Variants in SNED1 observed in about 807,000 individuals in gnomAD.
SNED1 encodes the protein sushi, nidogen and EGF-like domain-containing protein 1.
Under a neutral mutation model 166.7 loss-of-function variants are expected in SNED1, and 81 were observed. The observed-to-expected ratio is 0.49, with a 90% CI of 0.41 to 0.58. The LOEUF is 0.58. Among genes scored for constraint, SNED1 ranks in the 20% least tolerant of loss-of-function variants. The probability of loss-of-function intolerance (pLI) is 0.00; values close to 1 mark genes in which losing one functional copy is unlikely to be tolerated. For synonymous variants in SNED1, 762 were observed against 822.0 expected (o/e 0.93, Z 1.25); for missense variants, 1,604 against 2,000.2 (o/e 0.80, Z 3.78).
chr2:241,012,989 C>G (rs1291668992), intron 1 of SNED1, among the ~76,000 whole-genome samples: 1 of 152,060 alleles, frequency 6.6e-6, no homozygotes, highest in Non-Finnish European at 1.5e-5. Context: ...GTGCCCGCCA[C>G]CACGCCCGCT....
At chr2:241,020,722 T>C (rs2060746458) in intron 1 of SNED1, among the ~76,000 whole-genome samples, 2 of 152,144 alleles carry the variant, frequency 1.3e-5, no homozygotes, top group Non-Finnish European at 2.9e-5. Flanking sequence ...CCACCCCACC[T>C]TAAAGGGGGT....
intron 27 of SNED1, chr2:241,074,315 C>CTGGACTTG: frequency 1.3e-5 from 2 of 152,026 alleles, no homozygotes; most frequent in Middle Eastern, 3.4e-3. Context: ...CATACAAGGT[C>CTGGACTTG]TGGACTTGCT....
In SNED1 at chr2:241,094,710, C is replaced by G; in HGVS notation, c.*3074C>G. 1 of 274,778 alleles carries G rather than the reference C, an allele frequency of 3.6e-6. No individual in the cohort carries two copies. Among genetic ancestry groups the G allele is most frequent in the Non-Finnish European group, 7.2e-6 (1 of 139,196 alleles). 17.0% of individuals were successfully genotyped at this position (274,778 alleles called of 1,614,324 possible). A position where few individuals can be genotyped will look rare whatever the true frequency, so the allele number is the denominator to read the frequency against. On this transcript the variant is annotated 3_prime_UTR_variant, in exon 32 of 32. Transcript: ENST00000310397. The surrounding 1 kb of genome is among the most constrained non-coding windows in gnomAD (Gnocchi z 4.3). ...GCCGGATCATCCTCTCTTGTGGGACCATCCTGTGCACTGCAGGATGTTTCA... is the reference window on the plus strand; with the variant it reads ...GCCGGATCATCCTCTCTTGTGGGACGATCCTGTGCACTGCAGGATGTTTCA...
At position 241,091,180 on chromosome 2, in the gene SNED1, CA is replaced by C. The variant is rs1024081131; in HGVS notation, c.*2-452del. The stretch of plus-strand genomic sequence containing the variant: ...TTCTTGAAATAATGGAGACAACACA[CA>C]AAAAAGCAGGAAACAGAAACACACG... On this transcript the variant is annotated intron_variant, in intron 31 of 31. Coordinates refer to ENST00000310397, the MANE Select transcript of SNED1 (RefSeq NM_001080437.3). This position sits in a 1 kb window ranked among gnomAD's most constrained non-coding sequence, Gnocchi z 4.1. Among the ~76,000 whole-genome samples, 11 of 152,116 alleles carry C rather than the reference CA, an allele frequency of 7.2e-5. No individual in the cohort carries two copies. The highest frequency in any genetic ancestry group is 3.3e-4 in the Admixed American group (5 of 15,278).
At chr2:241,036,156 A>G (rs1422791923) in intron 4 of SNED1, among the ~76,000 whole-genome samples, 1 of 149,118 alleles carries the variant, frequency 6.7e-6, no homozygotes, top group East Asian at 2.0e-4. Flanking sequence ...GCTCATGGGA[A>G]GAGGAAAGAT....
intron 31 of SNED1, chr2:241,089,019 T>G (rs2063738429): frequency 2.9e-6 from 1 of 339,764 alleles, no homozygotes; most frequent in African/African-American, 2.1e-5. Context: ...CGCCTTTGTT[T>G]AAGCCAGCAT....
At chr2:241,060,285 C>T (rs763158342) in intron 16 of SNED1, among the ~76,000 whole-genome samples, 9 of 151,768 alleles carry the variant, frequency 5.9e-5, no homozygotes, top group Non-Finnish European at 1.3e-4. Context: ...CTGGTTCAAG[C>T]GATTCTCCTG....
chr2:241,041,105 C>T (rs749987382), intron 8 of SNED1: 4 of 335,162 alleles, frequency 1.2e-5, no homozygotes, highest in African/African-American at 4.5e-5. Context: ...CTGTTTTACC[C>T]GTAAGACACA....
intron 16 of SNED1, among the ~76,000 whole-genome samples, chr2:241,062,575 A>G (rs1194268253): frequency 1.3e-5 from 2 of 152,154 alleles, no homozygotes; most frequent in Non-Finnish European, 2.9e-5. Context: ...GGTGGTTTCA[A>G]GCCCGCCCTG....
intron 17 of SNED1, 37 bp downstream of exon 17, chr2:241,062,941 C>A: frequency 7.4e-7 from 1 of 1,351,846 alleles, no homozygotes; most frequent in Non-Finnish European, 1.0e-6. Flanking sequence ...GTGACAGCTG[C>A]AGCACACTGG....
upstream of SNED1, among the ~76,000 whole-genome samples, chr2:240,998,564 C>T (rs1255524389): frequency 6.6e-6 from 1 of 152,158 alleles, no homozygotes; most frequent in Admixed American, 6.5e-5. Flanking sequence ...TGGCCCCGCC[C>T]CCCCGAGTGA....
At chr2:241,037,479 G>A (rs1315456804) in intron 6 of SNED1, 126 bp downstream of exon 6, 3 of 673,186 alleles carry the variant, frequency 4.5e-6, no homozygotes, top group East Asian at 5.4e-5. Flanking sequence ...ACAGCCCAGA[G>A]AAGCCACCCT....
At chr2:241,053,098 G>T in intron 15 of SNED1, 55 bp from the exon 16 acceptor site, 1 of 1,538,884 alleles carries the variant, frequency 6.5e-7, no homozygotes, top group Non-Finnish European at 8.8e-7. Context: ...GCAGGGCGGT[G>T]GGGAGGGGCC....
At position 241,071,217 on chromosome 2, in the gene SNED1, C is replaced by T. The variant is rs372455643; in HGVS notation, c.3590-359C>T. ...CCATCAGGAGGCCACTGGGGAGAAG[C>T]ACTGTGTCTCCAGGGCAGCCTGGGA... is the stretch of plus-strand genomic sequence containing the variant. On this transcript the variant is annotated intron_variant, in intron 24 of 31. Transcript: ENST00000310397. Among the ~76,000 whole-genome samples, 37 of 152,302 alleles carry T rather than the reference C, an allele frequency of 2.4e-4. 1 individual carries two copies. In the East Asian group the frequency reaches 4.1e-3, roughly 17 times the overall value.
intron 8 of SNED1, chr2:241,040,787 A>C: frequency 2.1e-6 from 1 of 475,642 alleles, no homozygotes; most frequent in South Asian, 1.6e-5. Context: ...TTCCTCTCCT[A>C]CTCTAGAACC....
In SNED1 at chr2:241,034,005, A is replaced by G. The variant is rs1014219321; in HGVS notation, c.642+130A>G. 1.1e-5 allele frequency: 13 copies of G among 1,142,758 alleles called. No individual in the cohort carries two copies. In the South Asian group the frequency reaches 2.2e-4, roughly 19 times the overall value. The allele number at this position is 1,142,758 out of a possible 1,614,324, so 70.8% of individuals were successfully genotyped here. The stretch of plus-strand genomic sequence containing the variant: ...CCAGTACCGTGCAGAGGCCAACGAG[A>G]GACATCCACAACCATCCCTGAGGCC... On this transcript the variant is annotated intron_variant, in intron 3 of 31. Transcript: ENST00000310397.
At chr2:241,061,803 A>G (rs895110314) in intron 16 of SNED1, among the ~76,000 whole-genome samples, 12 of 151,710 alleles carry the variant, frequency 7.9e-5, no homozygotes, top group Admixed American at 6.6e-4. Context: ...TGGTGAGCCA[A>G]GATCATGCCA....
At chr2:241,082,231 G>A in intron 28 of SNED1, 46 bp from the exon 29 acceptor site, 3 of 1,483,948 alleles carry the variant, frequency 2.0e-6, no homozygotes, top group East Asian at 2.3e-5. Context: ...GGGGCAGGAG[G>A]AGCCGTCAGG....
chr2:241,068,006 A>C lies in SNED1; in HGVS notation c.3194+59A>C. ...TGAAGGCAGGGGTGGGGGCTCGGGG[A>C]CACGGGGCCCAGGTCTCGGGCACAT... On this transcript the variant is annotated intron_variant, in intron 22 of 31. Coordinates refer to ENST00000310397, the MANE Select transcript of SNED1 (RefSeq NM_001080437.3). The surrounding 1 kb of genome is among the most constrained non-coding windows in gnomAD (Gnocchi z 5.3). The C allele has an allele frequency of 6.8e-7, 1 of 1,474,140 alleles. No individual in the cohort carries two copies. The highest frequency in any genetic ancestry group is 9.3e-7 in the Non-Finnish European group (1 of 1,073,422). The allele number at this position is 1,474,140 out of a possible 1,614,324, so 91.3% of individuals were successfully genotyped here. A position where few individuals can be genotyped will look rare whatever the true frequency, so the allele number is the denominator to read the frequency against.
Sources: gnomAD v4.1 joint callset for allele counts (sites outside exome capture counted in the v4.1 genomes callset) on GRCh38, gnomAD v4.1.1 for gene constraint, Gnocchi (gnomAD v3.1) non-coding constraint, MANE v1.5 for transcripts, NCBI Gene and HGNC (gene_info 2026-07-23, HGNC 2026-07-21) for gene names.